Variants in PRMT3 observed in about 807,000 individuals in gnomAD.
The protein encoded by PRMT3 is protein arginine N-methyltransferase 3.
A neutral mutation model predicts 71.9 loss-of-function variants in PRMT3; 62 were observed. That is an observed-to-expected ratio of 0.86 (90% CI 0.70 to 1.07). The LOEUF (loss-of-function observed/expected upper bound fraction) is 1.07. Among genes scored for constraint, PRMT3 ranks in the 50% least tolerant of loss-of-function variants. PRMT3 has a pLI of 0.00. For synonymous variants in PRMT3, 213 were observed against 220.4 expected (o/e 0.97, Z 0.30); for missense variants, 663 against 643.0 (o/e 1.03, Z -0.34).
chr11:20,477,755 T>C (rs1850827512), intron 13 of PRMT3, among the ~76,000 whole-genome samples: 1 of 150,896 alleles, frequency 6.6e-6, no homozygotes, highest in Non-Finnish European at 1.5e-5. Flanking sequence ...GTCGTATTAA[T>C]AGAGATAGTG....
chr11:20,468,312 T>G (rs1474508515), intron 13 of PRMT3, among the ~76,000 whole-genome samples: 1 of 152,214 alleles, frequency 6.6e-6, no homozygotes, highest in Non-Finnish European at 1.5e-5. Context: ...TCTATTATAG[T>G]TAGCCCAGTT....
intron 13 of PRMT3, among the ~76,000 whole-genome samples, chr11:20,487,953 TAAA>T (rs1336952685): frequency 6.6e-6 from 1 of 152,192 alleles, no homozygotes; most frequent in Non-Finnish European, 1.5e-5. Flanking sequence ...TGTTTTTCAA[TAAA>T]AGTATTTTTA....
At chr11:20,390,704 G>C (rs929025223) in intron 3 of PRMT3, among the ~76,000 whole-genome samples, 2 of 152,204 alleles carry the variant, frequency 1.3e-5, no homozygotes, top group African/African-American at 4.8e-5. Context: ...AATAGGCCAG[G>C]TGCTGTGGCT....
intron 9 of PRMT3, among the ~76,000 whole-genome samples, chr11:20,417,761 C>G (rs1849339137): frequency 1.3e-5 from 1 of 79,414 alleles, no homozygotes; most frequent in African/African-American, 5.5e-5. Flanking sequence ...ATTTGCTTCT[C>G]TCTCTCTCTC....
intron 13 of PRMT3, among the ~76,000 whole-genome samples, chr11:20,492,529 G>A (rs1245102842): frequency 2.0e-5 from 3 of 152,040 alleles, no homozygotes; most frequent in African/African-American, 4.8e-5. Context: ...AACCCTACCA[G>A]ATCAATAAAA....
intron 15 of PRMT3, among the ~76,000 whole-genome samples, chr11:20,494,496 G>A (rs1269117288): frequency 6.6e-6 from 1 of 152,048 alleles, no homozygotes; most frequent in African/African-American, 2.4e-5. Flanking sequence ...ACCACACCCA[G>A]CTAATGTTTG....
intron 9 of PRMT3, among the ~76,000 whole-genome samples, chr11:20,409,086 G>A (rs534224571): frequency 1.3e-5 from 2 of 152,226 alleles, no homozygotes; most frequent in East Asian, 3.9e-4. Flanking sequence ...GACAGAGCAA[G>A]ACACTTTCTC....
chr11:20,418,082 G>T (rs1329348813), intron 9 of PRMT3, among the ~76,000 whole-genome samples: 1 of 152,078 alleles, frequency 6.6e-6, no homozygotes, highest in African/African-American at 2.4e-5. Flanking sequence ...TTTAAGATAG[G>T]AAATAAGATA....
chr11:20,480,638 C>T (rs1242463990), intron 13 of PRMT3, among the ~76,000 whole-genome samples: 1 of 151,962 alleles, frequency 6.6e-6, no homozygotes, highest in East Asian at 1.9e-4. Flanking sequence ...ATGTGGGAGG[C>T]CAATATGTAG....
rs75990560 is a variant in PRMT3, at chr11:20,409,742, C to T, written c.893+1710C>T. On this transcript the variant is annotated intron_variant, in intron 9 of 15. Transcript: ENST00000331079. ...CACATACATATATATAGATAGATAT[C>T]TAGTCAAGCTTTTTCTAGTTCTTAT... is the stretch of plus-strand genomic sequence containing the variant. 8.0e-5 allele frequency among the ~76,000 whole-genome samples: 12 copies of T among 149,666 alleles called. No homozygotes were observed. The East Asian group carries it at 2.4e-3, about 29-fold the overall frequency.
At chr11:20,388,456 C>A (rs1449237035) in intron 2 of PRMT3, among the ~76,000 whole-genome samples, 3 of 152,234 alleles carry the variant, frequency 2.0e-5, no homozygotes, top group Non-Finnish European at 4.4e-5. Flanking sequence ...GCACCTGAAT[C>A]CTTCCAAGTC....
chr11:20,432,469 A>G (rs1037408884), intron 10 of PRMT3, among the ~76,000 whole-genome samples: 20 of 152,096 alleles, frequency 1.3e-4, no homozygotes, highest in African/African-American at 4.8e-4. Context: ...CTTAATAGAC[A>G]CTTAGGTTGA....
intron 11 of PRMT3, among the ~76,000 whole-genome samples, chr11:20,453,517 A>G (rs1385527503): frequency 2.0e-5 from 3 of 151,698 alleles, no homozygotes; most frequent in Non-Finnish European, 2.9e-5. Context: ...CAAAACATAA[A>G]TACAGAGAAA....
intron 9 of PRMT3, among the ~76,000 whole-genome samples, chr11:20,409,978 A>G (rs1247710089): frequency 6.6e-6 from 1 of 152,152 alleles, no homozygotes; most frequent in African/African-American, 2.4e-5. Flanking sequence ...TTCTACTAGA[A>G]TTTCTAGTAC....
At chr11:20,413,969 A>G (rs948785709) in intron 9 of PRMT3, among the ~76,000 whole-genome samples, 44 of 152,146 alleles carry the variant, frequency 2.9e-4, no homozygotes, top group African/African-American at 1.0e-3. Flanking sequence ...ACAAGCCTAC[A>G]TCTATAAAAG....
rs1437056097 is a variant in PRMT3, at chr11:20,452,697, A to G, written c.1072+489A>G. On this transcript the variant is annotated intron_variant, in intron 11 of 15. Coordinates refer to ENST00000331079, the MANE Select transcript of PRMT3 (RefSeq NM_005788.4). ...TTTAAAAGTGCCACATAACCAATCC[A>G]CATATAAAGGGATCCTAATAAATTT... Among the ~76,000 whole-genome samples, 3 of 152,318 alleles carry G rather than the reference A, an allele frequency of 2.0e-5. No individual in the cohort carries two copies. The Middle Eastern group carries it at 0.01, about 518-fold the overall frequency.
chr11:20,419,778 G>C, intron 9 of PRMT3, among the ~76,000 whole-genome samples: 2 of 152,028 alleles, frequency 1.3e-5, no homozygotes, highest in Non-Finnish European at 2.9e-5. Flanking sequence ...CATTATATGA[G>C]GTCTTTATAA....
intron 6 of PRMT3, among the ~76,000 whole-genome samples, chr11:20,396,703 T>C (rs905300411): frequency 1.3e-5 from 2 of 152,126 alleles, no homozygotes; most frequent in Non-Finnish European, 2.9e-5. Context: ...AAACCAGATA[T>C]ACAGTGACAG....
rs1850263728 is a variant in PRMT3, at chr11:20,456,177, A to G, written c.1072+3969A>G. Among the ~76,000 whole-genome samples, 7 of 152,358 alleles carry G rather than the reference A, an allele frequency of 4.6e-5. No homozygotes were observed. In the South Asian group the frequency reaches 1.4e-3, roughly 32 times the overall value. ...TCTCCCACATATAGGTAGATTATAT[A>G]AATAAATAGACGACAAACCCAATAG... On this transcript the variant is annotated intron_variant, in intron 11 of 15. Coordinates refer to ENST00000331079, the MANE Select transcript of PRMT3 (RefSeq NM_005788.4).
Sources: gnomAD v4.1 joint callset for allele counts (sites outside exome capture counted in the v4.1 genomes callset) on GRCh38, gnomAD v4.1.1 for gene constraint, MANE v1.5 for transcripts, NCBI Gene and HGNC (gene_info 2026-07-23, HGNC 2026-07-21) for gene names.